The following KIF4A variants were observed in gnomAD, a reference collection of about 807,000 sequenced individuals.
KIF4A encodes chromosome-associated kinesin KIF4A.
KIF4A carries 7 observed loss-of-function variants against 105.9 expected under a neutral mutation model. The ratio of observed to expected loss-of-function variants is 0.07; its 90% CI spans 0.04 to 0.12. The LOEUF is 0.12. KIF4A is among the 10% of genes least tolerant of loss of function. The pLI is 1.00. For missense variants in KIF4A, 558 were observed against 929.2 expected (o/e 0.60, Z 5.19); for synonymous variants, 281 against 331.3 (o/e 0.85, Z 1.65).
chrX:70,378,308 G>A (rs1310701517), intron 18 of KIF4A, among the ~76,000 whole-genome samples: 2 of 110,562 alleles, frequency 1.8e-5, no homozygotes, highest in Admixed American at 1.9e-4. Flanking sequence ...TTGTGAGACT[G>A]CATCTCAGTT....
At chrX:70,362,236 C>A in intron 15 of KIF4A, 1 of 354,020 alleles carries the variant, frequency 2.8e-6, no homozygotes, top group East Asian at 8.3e-5. Context: ...AAGGCCTTCC[C>A]CATTGAGGAG....
chrX:70,341,826 C>T lies in KIF4A; in HGVS notation c.1161C>T (p.Ser387=). 8.3e-7 allele frequency: 1 copy of T among 1,209,055 alleles called. No homozygotes were observed. Among genetic ancestry groups the T allele is most frequent in the Non-Finnish European group, 1.1e-6 (1 of 893,780 alleles). ...ITVEPSENLQ[S]LMEKNQSLVE... is the part of the protein sequence containing the mutation. ...TGGAACCATCAGAGAATCTACAATC[C>T]CTGATGGAGAAGAATCAGTCCCTGG... Residue 387 remains serine, a synonymous_variant, in exon 11 of 31, where the codon TCC becomes TCT. Transcript: ENST00000374403.
chrX:70,337,516 C>T (rs1241305456), intron 10 of KIF4A, among the ~76,000 whole-genome samples: 1 of 110,788 alleles, frequency 9.0e-6, no homozygotes, highest in Middle Eastern at 4.2e-3. Flanking sequence ...ACAAAAAATA[C>T]AAAATTAGCT....
At chrX:70,323,125 G>T (rs1005053900) in intron 7 of KIF4A, among the ~76,000 whole-genome samples, 1 of 110,554 alleles carries the variant, frequency 9.0e-6, no homozygotes, top group African/African-American at 3.3e-5. Context: ...TCTGCATTCT[G>T]TTCTCTCTGC....
At chrX:70,378,925 G>A (rs767339626) in intron 18 of KIF4A, among the ~76,000 whole-genome samples, 125 of 110,117 alleles carry the variant, frequency 1.1e-3, no homozygotes, top group African/African-American at 3.9e-3. Context: ...GGGAGGCTGA[G>A]GCAGGCAGAT....
intron 22 of KIF4A, among the ~76,000 whole-genome samples, chrX:70,397,687 A>G (rs933844877): frequency 8.9e-6 from 1 of 112,112 alleles, no homozygotes; most frequent in African/African-American, 3.2e-5. Flanking sequence ...CTTGACAGAG[A>G]TTTTATCGTG....
chrX:70,326,685 T>G (rs947186336), intron 7 of KIF4A, among the ~76,000 whole-genome samples: 5 of 112,139 alleles, frequency 4.5e-5, no homozygotes, highest in African/African-American at 1.6e-4. Flanking sequence ...TTCATTTTTC[T>G]TCATAGCTGT....
At chrX:70,370,807 G>A (rs1306736643) in intron 15 of KIF4A, among the ~76,000 whole-genome samples, 2 of 108,782 alleles carry the variant, frequency 1.8e-5, no homozygotes, top group African/African-American at 6.7e-5. Context: ...GTGGTGGCAG[G>A]TGCCTGTAAT....
Position 70,407,091 on chromosome X carries a change from T to C in KIF4A, c.3255+16T>C, listed in dbSNP as rs1404658399. 1 of 1,165,795 alleles carries C rather than the reference T, an allele frequency of 8.6e-7. No individual in the cohort carries two copies. The highest frequency in any genetic ancestry group is 1.1e-6 in the Non-Finnish European group (1 of 873,372). On this transcript the variant is annotated intron_variant, in intron 28 of 30. Transcript: ENST00000374403. ...CATCCAAGGGGTAGGAGCCAGCTCT[T>C]CAACTTTTTTTTTGTTTTGTTGTTG...
At chrX:70,352,142 G>A (rs1460887107) in intron 13 of KIF4A, among the ~76,000 whole-genome samples, 4 of 112,279 alleles carry the variant, frequency 3.6e-5, no homozygotes, top group Non-Finnish European at 7.5e-5. Context: ...TTACTTTTCT[G>A]ATGCATTGCC....
rs761219205 is a variant in KIF4A, at chrX:70,349,544, C to T, written c.1432-3056C>T. ...CTCCTCACTACTCAGACCGGGCAGC[C>T]GGGCAGAGGCACTCCTCAGTTCCCA... is the stretch of plus-strand genomic sequence containing the variant. On this transcript the variant is annotated intron_variant, in intron 13 of 30. Transcript: ENST00000374403. Among the ~76,000 whole-genome samples the T allele has an allele frequency of 3.5e-3, 320 of 92,218 alleles. 9 individuals carry two copies. The highest frequency in any genetic ancestry group is 0.012 in the African/African-American group (277 of 23,689). 80.1% of individuals were successfully genotyped at this position (92,218 alleles called of 115,157 possible). A position where few individuals can be genotyped will look rare whatever the true frequency, so the allele number is the denominator to read the frequency against.
At chrX:70,312,086 C>T (rs755507975) in intron 7 of KIF4A, among the ~76,000 whole-genome samples, 2 of 107,564 alleles carry the variant, frequency 1.9e-5, no homozygotes, top group East Asian at 2.9e-4. Context: ...TTATTTGGAT[C>T]AGGATACAAA....
chrX:70,298,519 G>A (rs958145791), intron 4 of KIF4A, among the ~76,000 whole-genome samples: 3 of 111,528 alleles, frequency 2.7e-5, no homozygotes, highest in Non-Finnish European at 3.8e-5. Context: ...AGGCGTGAGT[G>A]ACTGTGCTCA....
chrX:70,344,037 G>A, intron 13 of KIF4A, 55 bp downstream of exon 13: 1 of 895,321 alleles, frequency 1.1e-6, no homozygotes, highest in Non-Finnish European at 1.6e-6. Flanking sequence ...TGTTTCTCTT[G>A]ACACATACAA....
At chrX:70,419,990 T>A (rs1407855312) in intron 30 of KIF4A, 72 bp from the exon 31 acceptor site, 2 of 1,059,011 alleles carry the variant, frequency 1.9e-6, no homozygotes, top group Non-Finnish European at 2.6e-6. Context: ...GTCGAGCATC[T>A]ATAGCAGCTC....
intron 15 of KIF4A, among the ~76,000 whole-genome samples, chrX:70,358,243 C>G (rs190412601): frequency 9.4e-6 from 1 of 106,878 alleles, no homozygotes; most frequent in East Asian, 3.0e-4. Context: ...TGGTGCTCGA[C>G]TGGTCCTTTC....
At chrX:70,395,115 G>A (rs375953840) in intron 20 of KIF4A, among the ~76,000 whole-genome samples, 23 of 109,582 alleles carry the variant, frequency 2.1e-4, no homozygotes, top group Admixed American at 4.9e-4. Flanking sequence ...GCGTGGTGGC[G>A]CGTGCTTGTA....
At chrX:70,414,005 A>G (rs1216435735) in intron 28 of KIF4A, among the ~76,000 whole-genome samples, 2 of 111,150 alleles carry the variant, frequency 1.8e-5, no homozygotes, top group Non-Finnish European at 3.8e-5. Context: ...AGCTACAGTC[A>G]GGGGATGGGT....
At chrX:70,300,109 A>C (rs757440435) in intron 5 of KIF4A, among the ~76,000 whole-genome samples, 108 of 111,882 alleles carry the variant, frequency 9.7e-4, no homozygotes, top group African/African-American at 3.4e-3. Flanking sequence ...TTGCACAAAG[A>C]AAAACAGAGA....
Sources: gnomAD v4.1 joint callset for allele counts (sites outside exome capture counted in the v4.1 genomes callset) on GRCh38, gnomAD v4.1.1 for gene constraint, MANE v1.5 for transcripts, NCBI Gene and HGNC (gene_info 2026-07-23, HGNC 2026-07-21) for gene names.